PLB1: variants seen among roughly 807,000 people sequenced by gnomAD.
PLB1 encodes the protein phospholipase B1.
A neutral mutation model predicts 227.4 loss-of-function variants in PLB1; 242 were observed. The observed-to-expected ratio is 1.06, with a 90% CI of 0.96 to 1.18. The LOEUF is 1.18. Ranked by LOEUF, PLB1 falls within the 50% of genes most tolerant of loss-of-function variation. PLB1 has a pLI of 0.00. For synonymous variants in PLB1, 757 were observed against 682.2 expected, an observed-to-expected ratio of 1.11 and a Z score of -1.71; for missense variants, 1,858 against 1,816.3, an observed-to-expected ratio of 1.02 and a Z score of -0.42.
In PLB1 at chr2:28,592,666, G is replaced by T; in HGVS notation, c.2194G>T (p.Ala732Ser). 6.2e-7 allele frequency: 1 copy of T among 1,614,182 alleles called. No homozygotes were observed. Among genetic ancestry groups the T allele is most frequent in the Non-Finnish European group, 8.5e-7 (1 of 1,180,034 alleles). Residue 732 changes from alanine to serine, a missense_variant, in exon 32 of 58, where the codon GCC becomes TCC. Coordinates refer to ENST00000327757, the MANE Select transcript of PLB1 (RefSeq NM_153021.5). Reference sequence around the variant, plus strand: ...GTGTCCACTTGTCTTTCCAGTGCATGCCCTGAGACCTGCAGACATCCAAGT... The same window carrying T: ...GTGTCCACTTGTCTTTCCAGTGCATTCCCTGAGACCTGCAGACATCCAAGT... Reference protein sequence around the residue: ...PSALHPTSVHALRPADIQVVA... With the variant: ...PSALHPTSVHSLRPADIQVVA...
At chr2:28,609,007 C>T (rs1558907724) in intron 43 of PLB1, among the ~76,000 whole-genome samples, 1 of 152,174 alleles carries the variant, frequency 6.6e-6, no homozygotes, top group Non-Finnish European at 1.5e-5. Flanking sequence ...CTTTCAACTC[C>T]TAGGCTCAAG....
Position 28,548,751 on chromosome 2 carries a change from A to G in PLB1, c.937-109A>G, listed in dbSNP as rs878917798. ...TGGGGGCTGGACACGTGCATTTCTA[A>G]TGCGTTCCCTGGTACTGCTGCTGGA... On this transcript the variant is annotated intron_variant, in intron 14 of 57. Transcript: ENST00000327757. 4.9e-6 allele frequency: 5 copies of G among 1,027,508 alleles called. No individual in the cohort carries two copies. In the South Asian group the frequency reaches 5.5e-5, roughly 11 times the overall value. 63.6% of individuals were successfully genotyped at this position (1,027,508 alleles called of 1,614,324 possible). A position where few individuals can be genotyped will look rare whatever the true frequency, so the allele number is the denominator to read the frequency against.
intron 6 of PLB1, among the ~76,000 whole-genome samples, chr2:28,527,102 G>GT (rs11371971): frequency 0.011 from 1,651 of 152,300 alleles, 25 homozygotes; most frequent in African/African-American, 0.038. Flanking sequence ...CGGCTTGTTT[G>GT]GGGGGTGTCT....
rs935190668 is a variant in PLB1, at chr2:28,601,469, C to A, written c.2607+137C>A. 33 of 600,184 alleles carry A rather than the reference C, an allele frequency of 5.5e-5. No homozygotes were observed. In the Admixed American group the frequency reaches 7.2e-4, roughly 13 times the overall value. 37.2% of individuals were successfully genotyped at this position (600,184 alleles called of 1,614,324 possible). A position where few individuals can be genotyped will look rare whatever the true frequency, so the allele number is the denominator to read the frequency against. ...ACCTATGTCTGCACATATACACATA[C>A]CACACACACACACACACACACACAC... On this transcript the variant is annotated intron_variant, in intron 37 of 57. Transcript: ENST00000327757.
chr2:28,578,245 G>A, intron 22 of PLB1, 87 bp downstream of exon 22: 1 of 1,367,140 alleles, frequency 7.3e-7, no homozygotes, highest in Non-Finnish European at 1.0e-6. Flanking sequence ...TGGGAGCCCG[G>A]CTTGGGTTTC....
chr2:28,594,143 TGTA>T lies in PLB1; in HGVS notation c.2321+392_2321+394del, dbSNP rs747232735. On this transcript the variant is annotated intron_variant, in intron 33 of 57. Coordinates refer to ENST00000327757, the MANE Select transcript of PLB1 (RefSeq NM_153021.5). ...CTTTATGTGTTTATTCATGTTGTCT[TGTA>T]GTCACACAGCTGCCTTTACATATAT... is the stretch of plus-strand genomic sequence containing the variant. 5.5e-4 allele frequency: 272 copies of T among 498,690 alleles called. 1 individual carries two copies. The highest frequency in any genetic ancestry group is 1.3e-3 in the Middle Eastern group (4 of 3,168). 30.9% of individuals were successfully genotyped at this position (498,690 alleles called of 1,614,324 possible). A position where few individuals can be genotyped will look rare whatever the true frequency, so the allele number is the denominator to read the frequency against.
At chr2:28,497,890 T>A (rs537526313) in intron 1 of PLB1, among the ~76,000 whole-genome samples, 1,648 of 150,150 alleles carry the variant, frequency 0.011, 27 homozygotes, top group Non-Finnish European at 0.013. Context: ...GGCTAATTTT[T>A]GTATTTTTAG....
At chr2:28,555,836 T>C (rs1674987960) in intron 17 of PLB1, among the ~76,000 whole-genome samples, 1 of 152,064 alleles carries the variant, frequency 6.6e-6, no homozygotes, top group African/African-American at 2.4e-5. Context: ...AATAACTGTT[T>C]TGCATTTTGC....
chr2:28,511,862 G>A (rs1668308946), intron 1 of PLB1, among the ~76,000 whole-genome samples: 1 of 145,374 alleles, frequency 6.9e-6, no homozygotes, highest in Non-Finnish European at 1.5e-5. Context: ...TTGGCTCACT[G>A]CAATCTCTGC....
At chr2:28,623,281 G>C (rs918326932) in intron 49 of PLB1, among the ~76,000 whole-genome samples, 9 of 152,202 alleles carry the variant, frequency 5.9e-5, no homozygotes, top group African/African-American at 1.9e-4. Flanking sequence ...TGCAAGATGT[G>C]TGGATCAGGG....
intron 25 of PLB1, among the ~76,000 whole-genome samples, 166 bp downstream of exon 25, chr2:28,582,671 T>C (rs1680236415): frequency 6.6e-6 from 1 of 152,180 alleles, no homozygotes; most frequent in African/African-American, 2.4e-5. Flanking sequence ...CTAGGATTTT[T>C]CCACCCTGGT....
At chr2:28,538,755 T>A (rs1672060872) in intron 10 of PLB1, among the ~76,000 whole-genome samples, 1 of 152,134 alleles carries the variant, frequency 6.6e-6, no homozygotes, top group Admixed American at 6.5e-5. Flanking sequence ...AGCTGGGGGT[T>A]GCTGTGGCCC....
chr2:28,599,591 C>T lies in PLB1; in HGVS notation c.2474+831C>T, dbSNP rs185171795. 2.6e-5 allele frequency among the ~76,000 whole-genome samples: 4 copies of T among 152,304 alleles called. No homozygotes were observed. In the East Asian group the frequency reaches 7.7e-4, roughly 29 times the overall value. On this transcript the variant is annotated intron_variant, in intron 35 of 57. Coordinates refer to ENST00000327757, the MANE Select transcript of PLB1 (RefSeq NM_153021.5). The stretch of plus-strand genomic sequence containing the variant: ...CAAGTGGAAGTGGGGAGCACAGACG[C>T]CTGAAATCTATTCCTTCCATAAATT...
chr2:28,536,625 G>T (rs1172986241), intron 9 of PLB1, among the ~76,000 whole-genome samples: 1 of 152,118 alleles, frequency 6.6e-6, no homozygotes, highest in African/African-American at 2.4e-5. Flanking sequence ...TGGGTCTCAG[G>T]CACGTGTTTG....
intron 52 of PLB1, 51 bp downstream of exon 52, chr2:28,628,679 T>C (rs1317898691): frequency 6.4e-7 from 1 of 1,554,764 alleles, no homozygotes; most frequent in South Asian, 1.1e-5. Context: ...CTCCCTGGGA[T>C]GCATGTAGGC....
intron 25 of PLB1, among the ~76,000 whole-genome samples, chr2:28,583,042 T>C (rs945079350): frequency 2.6e-5 from 4 of 151,690 alleles, no homozygotes; most frequent in African/African-American, 9.7e-5. Context: ...CCCCAGAGAG[T>C]AGAGAACCCT....
At position 28,549,412 on chromosome 2, in the gene PLB1, C is replaced by CTTTTTTTTTTTTTTTTTTT. The variant is rs746205635; in HGVS notation, c.1008+485_1008+503dup. On this transcript the variant is annotated intron_variant, in intron 15 of 57. Coordinates refer to ENST00000327757, the MANE Select transcript of PLB1 (RefSeq NM_153021.5). ...TGGACATAAATGAATGAGATTCTTT[C>CTTTTTTTTTTTTTTTTTTT]TTTTTTTTTTTTTTTTTTTTTTGAG... Among the ~76,000 whole-genome samples, 17 of 87,276 alleles carry CTTTTTTTTTTTTTTTTTTT rather than the reference C, an allele frequency of 1.9e-4. 5 individuals carry two copies. The highest frequency in any genetic ancestry group is 7.3e-4 in the African/African-American group (16 of 21,858). The allele number at this position is 87,276 out of a possible 152,430, so 57.3% of individuals were successfully genotyped here.
chr2:28,642,661 T>C (rs1553469945), intron 57 of PLB1, among the ~76,000 whole-genome samples, 197 bp from the exon 58 acceptor site: 1 of 152,076 alleles, frequency 6.6e-6, no homozygotes, highest in Non-Finnish European at 1.5e-5. Flanking sequence ...TCTAGCTGGG[T>C]GTTGACCTCT....
chr2:28,553,864 C>T (rs1674611559), intron 17 of PLB1, among the ~76,000 whole-genome samples: 2 of 152,150 alleles, frequency 1.3e-5, no homozygotes, highest in Non-Finnish European at 2.9e-5. Flanking sequence ...GGGGATGTCA[C>T]AGTGCCTAGC....
Sources: allele counts gnomAD v4.1 joint callset (sites outside exome capture counted in the v4.1 genomes callset), GRCh38; gene constraint gnomAD v4.1.1; transcripts MANE v1.5; gene names NCBI Gene and HGNC (gene_info 2026-07-23, HGNC 2026-07-21).